Variants in SOX5 observed in about 807,000 individuals in gnomAD.
SOX5 encodes transcription factor SOX-5.
A neutral mutation model predicts 92.0 loss-of-function variants in SOX5; 9 were observed. The observed-to-expected ratio is 0.10, with a 90% confidence interval of 0.06 to 0.17. SOX5 has a LOEUF of 0.17. Among genes scored for constraint, SOX5 ranks in the 10% least tolerant of loss-of-function variants. The probability of loss-of-function intolerance (pLI) is 1.00; values close to 1 mark genes in which losing one functional copy is unlikely to be tolerated. For missense variants in SOX5, 642 were observed against 944.5 expected (o/e 0.68, Z 4.20); for synonymous variants, 344 against 336.3 (o/e 1.02, Z -0.25).
At chr12:24,185,940 T>C (rs1030280407) in intron 4 of SOX5, among the ~76,000 whole-genome samples, 10 of 152,148 alleles carry the variant, frequency 6.6e-5, no homozygotes, top group Non-Finnish European at 1.5e-4. Flanking sequence ...GCTTCATACC[T>C]AAGACTATCA....
At chr12:23,888,472 T>C (rs1030696802) in intron 2 of SOX5, among the ~76,000 whole-genome samples, 3 of 152,136 alleles carry the variant, frequency 2.0e-5, no homozygotes, top group East Asian at 3.9e-4. Flanking sequence ...TTAACTTTAC[T>C]CTCAACAGAA....
chr12:23,845,975 G>A lies in SOX5; in HGVS notation c.481+8C>T, dbSNP rs761655054. On this transcript the variant is annotated splice_region_variant and intron_variant, in intron 3 of 14. Transcript: ENST00000451604. ...AGCATCAACTTTGTTTTCTCTTCCA[G>A]CCTTTACCTTCCGGCTCGTTTTTGA... The A allele has an allele frequency of 3.1e-6, 5 of 1,609,006 alleles. No homozygotes were observed. The highest frequency in any genetic ancestry group is 4.3e-6 in the Non-Finnish European group (5 of 1,175,518).
At chr12:24,021,488 C>A (rs556680954) in intron 4 of SOX5, among the ~76,000 whole-genome samples, 1 of 152,140 alleles carries the variant, frequency 6.6e-6, no homozygotes, top group Non-Finnish European at 1.5e-5. Context: ...TCCACACCAA[C>A]GAGCTATTAA....
At chr12:24,402,213 T>C (rs571561356) in intron 1 of SOX5, among the ~76,000 whole-genome samples, 1 of 152,290 alleles carries the variant, frequency 6.6e-6, no homozygotes, top group Non-Finnish European at 1.5e-5. Flanking sequence ...CAGTGTTAAA[T>C]AGCACAATTT....
intron 1 of SOX5, among the ~76,000 whole-genome samples, chr12:24,482,504 T>C (rs1946099090): frequency 6.6e-6 from 1 of 152,210 alleles, no homozygotes. Flanking sequence ...TGTAAAGATG[T>C]AGTTGTTGAT....
intron 3 of SOX5, among the ~76,000 whole-genome samples, chr12:24,267,501 T>G (rs776449303): frequency 6.6e-6 from 1 of 152,202 alleles, no homozygotes; most frequent in Non-Finnish European, 1.5e-5. Context: ...TTAACCTCAC[T>G]TATGTATGCA....
intron 1 of SOX5, among the ~76,000 whole-genome samples, chr12:24,465,901 A>G (rs1944180260): frequency 6.6e-6 from 1 of 152,194 alleles, no homozygotes; most frequent in Non-Finnish European, 1.5e-5. Flanking sequence ...GGGCTGTCAC[A>G]GCACTTCCCC....
At chr12:23,539,339 C>T (rs1310520423) in intron 13 of SOX5, among the ~76,000 whole-genome samples, 1 of 152,082 alleles carries the variant, frequency 6.6e-6, no homozygotes, top group Admixed American at 6.5e-5. Flanking sequence ...GTTCCTGTCT[C>T]TTTGCAGCTT....
At chr12:24,150,573 A>G (rs193134007) in intron 4 of SOX5, among the ~76,000 whole-genome samples, 155 of 152,260 alleles carry the variant, frequency 1.0e-3, no homozygotes, top group Admixed American at 3.6e-3. Context: ...AGAAGGTAAA[A>G]CGCCCAACAG....
intron 4 of SOX5, among the ~76,000 whole-genome samples, chr12:24,068,486 TAA>T (rs1049427527): frequency 6.6e-6 from 1 of 151,764 alleles, no homozygotes; most frequent in African/African-American, 2.4e-5. Context: ...TGATGATAAA[TAA>T]AAGAGATTAT....
intron 13 of SOX5, among the ~76,000 whole-genome samples, chr12:23,542,082 C>G (rs1942182265): frequency 6.6e-6 from 1 of 152,208 alleles, no homozygotes; most frequent in Non-Finnish European, 1.5e-5. Context: ...TGCACTCCAG[C>G]CTGGGCGGTA....
At chr12:24,120,219 T>G (rs775205490) in intron 4 of SOX5, among the ~76,000 whole-genome samples, 1 of 152,228 alleles carries the variant, frequency 6.6e-6, no homozygotes. Flanking sequence ...TACATTCATA[T>G]GCTCAACTTT....
At chr12:24,123,887 C>A (rs1440949601) in intron 4 of SOX5, among the ~76,000 whole-genome samples, 1 of 152,198 alleles carries the variant, frequency 6.6e-6, no homozygotes, top group Non-Finnish European at 1.5e-5. Flanking sequence ...GCACTCCCAG[C>A]TTGGTAGGCG....
rs5797023 is a variant in SOX5, at chr12:23,540,361, TATAATAATAATAATAATAATA to T, written c.1771+2829_1771+2849del. On this transcript the variant is annotated intron_variant, in intron 13 of 14. Transcript: ENST00000451604. ...TGGACATGTACCCTAAAACTTAAAGTATAATAATAATAATAATAATAATAATAATAATAATAATAATAAAAA... is the reference window on the plus strand; with the variant it reads ...TGGACATGTACCCTAAAACTTAAAGTATAATAATAATAATAATAATAAAAA... Among the ~76,000 whole-genome samples the T allele has an allele frequency of 2.5e-3, 362 of 142,788 alleles. 3 individuals are homozygous for T. Among genetic ancestry groups the T allele is most frequent in the African/African-American group, 7.4e-3 (293 of 39,486 alleles). 93.7% of individuals were successfully genotyped at this position (142,788 alleles called of 152,430 possible).
chr12:23,719,142 A>C (rs2092673706), intron 6 of SOX5, among the ~76,000 whole-genome samples: 1 of 152,152 alleles, frequency 6.6e-6, no homozygotes, highest in African/African-American at 2.4e-5. Context: ...TTTTTCTGCT[A>C]TTGACTTCTC....
chr12:23,965,149 C>G (rs1591859898), intron 4 of SOX5, among the ~76,000 whole-genome samples: 1 of 152,234 alleles, frequency 6.6e-6, no homozygotes, highest in East Asian at 1.9e-4. Context: ...TACCGTGGAA[C>G]AGATGGATTA....
chr12:24,248,285 C>G (rs1466875229), intron 3 of SOX5, among the ~76,000 whole-genome samples: 3 of 152,160 alleles, frequency 2.0e-5, no homozygotes. Flanking sequence ...TTCCCAAGAC[C>G]ACCACACTCA....
At chr12:23,988,790 G>A (rs560564954) in intron 4 of SOX5, among the ~76,000 whole-genome samples, 2 of 152,074 alleles carry the variant, frequency 1.3e-5, no homozygotes, top group Admixed American at 1.3e-4. Flanking sequence ...GGGACTGATG[G>A]GTTGGCAGGC....
chr12:23,769,998 G>A (rs2094872438), intron 3 of SOX5, among the ~76,000 whole-genome samples: 1 of 149,880 alleles, frequency 6.7e-6, no homozygotes, highest in Non-Finnish European at 1.5e-5. Context: ...GCCTCTGTTG[G>A]AGTTTCTATA....
Sources: gnomAD v4.1 joint callset for allele counts (sites outside exome capture counted in the v4.1 genomes callset) on GRCh38, gnomAD v4.1.1 for gene constraint, MANE v1.5 for transcripts, NCBI Gene and HGNC (gene_info 2026-07-23, HGNC 2026-07-21) for gene names.